Variants in TTLL8 observed in about 807,000 individuals in gnomAD.
TTLL8 encodes tubulin tyrosine ligase like 8, also known as protein monoglycylase TTLL8.
A neutral mutation model predicts 77.8 loss-of-function variants in TTLL8; 65 were observed. The observed-to-expected ratio is 0.84, with a 90% confidence interval of 0.68 to 1.03. The LOEUF (loss-of-function observed/expected upper bound fraction) is 1.03, where lower values mean the gene tolerates loss of function less well. Among genes scored for constraint, TTLL8 ranks in the 50% least tolerant of loss-of-function variants. TTLL8 has a pLI of 0.00. For synonymous variants in TTLL8, 402 were observed against 422.8 expected, an observed-to-expected ratio of 0.95 and a Z score of 0.60; for missense variants, 910 against 1,004.5, an observed-to-expected ratio of 0.91 and a Z score of 1.27.
At chr22:50,031,536 G>A (rs1413313587) in intron 11 of TTLL8, 150 bp downstream of exon 12, 2 of 1,181,022 alleles carry the variant, frequency 1.7e-6, no homozygotes, top group Non-Finnish European at 2.1e-6. Context: ...GCCCTCAGCG[G>A]GACCGAGCAT....
At chr22:50,023,599 C>A (rs1432011272) in intron 12 of TTLL8, among the ~76,000 whole-genome samples, 1 of 152,030 alleles carries the variant, frequency 6.6e-6, no homozygotes, top group African/African-American at 2.4e-5. Flanking sequence ...GCAGGATAAT[C>A]GCTTGAACCT....
chr22:50,030,429 C>A lies in TTLL8; in HGVS notation c.2203+1G>T. The A allele has an allele frequency of 2.3e-6, 3 of 1,328,792 alleles. No homozygotes were observed. The highest frequency in any genetic ancestry group is 3.0e-6 in the Non-Finnish European group (3 of 1,011,388). 82.3% of individuals were successfully genotyped at this position (1,328,792 alleles called of 1,614,324 possible). A position where few individuals can be genotyped will look rare whatever the true frequency, so the allele number is the denominator to read the frequency against. On this transcript the variant is annotated splice_donor_variant, in intron 12 of 13. Transcript: ENST00000266182. LOFTEE classifies it high-confidence loss of function. ...AGCGCACCGCCGGCGGCGCAGGTTA[C>A]CTTTTCCTCCGGGCGGCGGACGCAG...
chr22:50,018,723 T>C (rs1440141902), intron 12 of TTLL8, among the ~76,000 whole-genome samples: 1 of 152,210 alleles, frequency 6.6e-6, no homozygotes, highest in East Asian at 1.9e-4. Context: ...GAAAGACGTA[T>C]TCAATGTTCG....
intron 12 of TTLL8, among the ~76,000 whole-genome samples, chr22:50,020,932 C>T (rs915741772): frequency 3.6e-5 from 5 of 138,958 alleles, no homozygotes; most frequent in South Asian, 2.4e-4. Flanking sequence ...ATGTGTACTC[C>T]TCCATCTGAT....
chr22:50,032,558 C>T lies in TTLL8; in HGVS notation c.1284-449G>A, dbSNP rs575735155. ...CATGACCGCAGCCGCTCGCCTGGGC[C>T]GGAGTTAACTCCCCTGCAAGGTCTG... is the stretch of plus-strand genomic sequence containing the variant. On this transcript the variant is annotated intron_variant, in intron 10 of 13. Transcript: ENST00000266182. Among the ~76,000 whole-genome samples the T allele has an allele frequency of 1.8e-4, 28 of 152,322 alleles. No homozygotes were observed. The South Asian group carries it at 3.1e-3, about 17-fold the overall frequency.
At chr22:50,042,602 C>T (rs2061378874) in intron 6 of TTLL8, among the ~76,000 whole-genome samples, 2 of 152,198 alleles carry the variant, frequency 1.3e-5, no homozygotes, top group South Asian at 4.1e-4. Context: ...TCTGTATCTA[C>T]AAGTTTTTTC....
At chr22:50,028,050 C>T (rs2061242215) in intron 12 of TTLL8, among the ~76,000 whole-genome samples, 2 of 152,230 alleles carry the variant, frequency 1.3e-5, no homozygotes, top group Non-Finnish European at 2.9e-5. Context: ...TCTGGAAAGA[C>T]AGAGGCCTCT....
intron 1 of TTLL8, among the ~76,000 whole-genome samples, chr22:50,051,275 G>C (rs953253589): frequency 2.6e-5 from 4 of 152,168 alleles, no homozygotes; most frequent in Admixed American, 6.5e-5. Context: ...CCTCTTATGA[G>C]AACAAGCGAT....
rs879510902 is a variant in TTLL8 at position 50,035,167 on chromosome 22, C to T, written c.922-705G>A. ...CAGCTGCCCCAGGGCCCGCTGGAGC[C>T]GTCCTGCGTGGGCAGACTCAGAGCT... On this transcript the variant is annotated intron_variant, in intron 8 of 13. Transcript: ENST00000266182. Among the ~76,000 whole-genome samples the T allele has an allele frequency of 1.4e-4, 21 of 152,280 alleles. 1 individual carries two copies. Among genetic ancestry groups the T allele is most frequent in the East Asian group, 5.8e-4 (3 of 5,172 alleles).
chr22:50,020,318 C>T (rs1304948115), intron 12 of TTLL8, among the ~76,000 whole-genome samples: 1 of 151,082 alleles, frequency 6.6e-6, no homozygotes, highest in Admixed American at 6.6e-5. Flanking sequence ...GTGCACTCCT[C>T]CATCTGACGT....
rs1406020234 is a variant in TTLL8 at position 50,050,032 on chromosome 22, T to C, written c.190+77A>G. 9 of 1,306,730 alleles carry C rather than the reference T, an allele frequency of 6.9e-6. No homozygotes were observed. The East Asian group carries it at 3.4e-4, about 50-fold the overall frequency. 80.9% of individuals were successfully genotyped at this position (1,306,730 alleles called of 1,614,324 possible). On this transcript the variant is annotated intron_variant, in intron 2 of 13. Coordinates refer to ENST00000266182, the Ensembl canonical transcript of TTLL8. ...CAGGGCCGAGGGGCAGGCACCACACTCAGGCCGGCGCCGACTCCTCCTGCC... is the reference window on the plus strand; with the variant it reads ...CAGGGCCGAGGGGCAGGCACCACACCCAGGCCGGCGCCGACTCCTCCTGCC...
At chr22:50,049,267 G>C in exon 3 of TTLL8, 1 of 1,367,710 alleles carries the variant, frequency 7.3e-7, no homozygotes, top group Non-Finnish European at 9.8e-7. Flanking sequence ...CGTGGATGTT[G>C]TCTGTTTTCT....
chr22:50,048,948 C>G (rs748182104), intron 3 of TTLL8, among the ~76,000 whole-genome samples: 2 of 152,202 alleles, frequency 1.3e-5, no homozygotes, highest in Non-Finnish European at 2.9e-5. Flanking sequence ...CGAGCCCTGC[C>G]GGGCCTCAGT....
At chr22:50,027,538 A>C (rs76769448) in intron 12 of TTLL8, 1 of 652,184 alleles carries the variant, frequency 1.5e-6, no homozygotes, top group Non-Finnish European at 1.9e-6. Context: ...CGTCTCAAAA[A>C]AAAAAAAAAA....
At chr22:50,050,638 A>G (rs2061439288) in intron 1 of TTLL8, among the ~76,000 whole-genome samples, 1 of 152,200 alleles carries the variant, frequency 6.6e-6, no homozygotes, top group Admixed American at 6.5e-5. Flanking sequence ...TAAGATAAAT[A>G]GCCAGACAAC....
exon 12 of TTLL8, chr22:50,030,875 G>T (rs1245261594): frequency 4.1e-5 from 55 of 1,326,966 alleles, no homozygotes; most frequent in Non-Finnish European, 5.3e-5. Flanking sequence ...TCACACTGAC[G>T]CCCGCCACGC....
At chr22:50,050,088 C>T (rs1044223847) in intron 2 of TTLL8, 21 bp downstream of exon 4, 17 of 1,364,478 alleles carry the variant, frequency 1.2e-5, no homozygotes, top group South Asian at 3.4e-5. Context: ...TGAGCTGAGA[C>T]GTGCGCCTCC....
intron 12 of TTLL8, among the ~76,000 whole-genome samples, chr22:50,019,947 A>G (rs959329767): frequency 4.6e-5 from 7 of 152,352 alleles, no homozygotes; most frequent in East Asian, 3.9e-4. Flanking sequence ...ATGATGAAAG[A>G]AAAAACATAC....
chr22:50,047,119 C>T, intron 4 of TTLL8, 49 bp downstream of exon 6: 1 of 1,360,216 alleles, frequency 7.4e-7, no homozygotes, highest in Non-Finnish European at 9.8e-7. Flanking sequence ...AGAAGCTCCT[C>T]CCCACCACCC....
Sources: allele counts gnomAD v4.1 joint callset (sites outside exome capture counted in the v4.1 genomes callset), GRCh38; gene constraint gnomAD v4.1.1; transcripts MANE v1.5; gene names NCBI Gene and HGNC (gene_info 2026-07-23, HGNC 2026-07-21).